Variants in SLC9D1 observed in about 807,000 individuals in gnomAD.
The protein encoded by SLC9D1 is putative LAG1-interacting protein.
At chr13:113,516,165 A>G in the SLC9D1 span, among the ~76,000 whole-genome samples, 1 of 152,234 alleles carries the variant, frequency 6.6e-6, no homozygotes, top group East Asian at 1.9e-4. Context: ...AGGTTAGTGT[A>G]TGAAACAAGG....
At chr13:113,548,358 T>G in the SLC9D1 span, 1 of 1,613,840 alleles carries the variant, frequency 6.2e-7, no homozygotes, top group African/African-American at 1.3e-5. Flanking sequence ...AGCCAGTACA[T>G]CAAGTGGATC....
chr13:113,518,819 G>A, the SLC9D1 span, among the ~76,000 whole-genome samples: 3 of 152,194 alleles, frequency 2.0e-5, no homozygotes, highest in African/African-American at 4.8e-5. Context: ...ACAGCTTAAC[G>A]TCATCGTCTG....
chr13:113,499,788 T>C, the SLC9D1 span, among the ~76,000 whole-genome samples: 1 of 152,224 alleles, frequency 6.6e-6, no homozygotes. Context: ...GTAGCAGAAA[T>C]CCTAAACCTA....
the SLC9D1 span, among the ~76,000 whole-genome samples, chr13:113,541,658 C>T: frequency 7.5e-6 from 1 of 133,528 alleles, no homozygotes; most frequent in Non-Finnish European, 1.6e-5. Context: ...TGCTTTATTA[C>T]CGCCGAGATG....
At chr13:113,500,857 T>A in the SLC9D1 span, among the ~76,000 whole-genome samples, 87 of 152,304 alleles carry the variant, frequency 5.7e-4, 1 homozygote, top group African/African-American at 2.0e-3. Flanking sequence ...AGAGATGTGG[T>A]CACGATGGAG....
chr13:113,518,444 G>A, the SLC9D1 span, among the ~76,000 whole-genome samples: 2 of 152,296 alleles, frequency 1.3e-5, no homozygotes, highest in East Asian at 3.9e-4. Flanking sequence ...CAAAGGAAGA[G>A]AACAAAATAT....
chr13:113,492,364 G>A, the SLC9D1 span, among the ~76,000 whole-genome samples: 1 of 152,190 alleles, frequency 6.6e-6, no homozygotes, highest in Non-Finnish European at 1.5e-5. Flanking sequence ...GTTGTAAGGA[G>A]TAATACAGAG....
At chr13:113,534,354 A>G in the SLC9D1 span, 1 of 853,216 alleles carries the variant, frequency 1.2e-6, no homozygotes, top group Admixed American at 2.7e-5. Flanking sequence ...TATTTGAAAC[A>G]TTTACTAGTA....
At chr13:113,495,904 AT>A in the SLC9D1 span, 1 of 1,614,152 alleles carries the variant, frequency 6.2e-7, no homozygotes, top group Non-Finnish European at 8.5e-7. Flanking sequence ...GAAAGTGAAA[AT>A]TCCGTTTTCC....
At chr13:113,539,247 C>A in the SLC9D1 span, 4 of 1,027,622 alleles carry the variant, frequency 3.9e-6, no homozygotes, top group Admixed American at 2.1e-5. This position sits in a 1 kb window ranked among gnomAD's most constrained non-coding sequence, Gnocchi z 4.8. Context: ...GTTTGTGCAG[C>A]TTCTGTGTTT....
the SLC9D1 span, among the ~76,000 whole-genome samples, chr13:113,533,272 T>C: frequency 5.1e-3 from 548 of 107,534 alleles, 5 homozygotes; most frequent in African/African-American, 0.022. Flanking sequence ...ATTCCATCCC[T>C]TCATTCCATC....
chr13:113,533,713 T>C, the SLC9D1 span, among the ~76,000 whole-genome samples: 4 of 152,208 alleles, frequency 2.6e-5, no homozygotes, highest in African/African-American at 9.7e-5. Context: ...TGGCGGAGAC[T>C]TTGATGTGCG....
chr13:113,530,012 T>G, the SLC9D1 span: 1 of 152,286 alleles, frequency 6.6e-6, no homozygotes, highest in Non-Finnish European at 1.5e-5. Context: ...CAAAACATAC[T>G]ATATTCAGCA....
At chr13:113,498,585 G>A in the SLC9D1 span, 4 of 1,291,628 alleles carry the variant, frequency 3.1e-6, no homozygotes, top group Non-Finnish European at 4.2e-6. Flanking sequence ...AAGACATGTT[G>A]TTGAAATTGT....
At chr13:113,549,775 G>A in the SLC9D1 span, 26 of 692,166 alleles carry the variant, frequency 3.8e-5, no homozygotes, top group Middle Eastern at 2.5e-4. Flanking sequence ...GGGACACTGC[G>A]TTTTACCGAT....
At chr13:113,547,234 T>G in the SLC9D1 span, 223 of 1,198,672 alleles carry the variant, frequency 1.9e-4, no homozygotes, top group Non-Finnish European at 2.5e-4. Context: ...ACTGAAGTTG[T>G]GAGAAATAGT....
At chr13:113,505,697 A>G in the SLC9D1 span, 1 of 152,214 alleles carries the variant, frequency 6.6e-6, no homozygotes, top group African/African-American at 2.4e-5. Context: ...ATTTTCTATA[A>G]TAAGCAGTCA....
At chr13:113,495,835 C>A in the SLC9D1 span, 2 of 1,614,086 alleles carry the variant, frequency 1.2e-6, no homozygotes, top group Non-Finnish European at 1.7e-6. Context: ...GTGGGCCTGT[C>A]GGATGAAGAG....
chr13:113,534,425 C>T, the SLC9D1 span: 2 of 609,208 alleles, frequency 3.3e-6, no homozygotes, highest in Non-Finnish European at 5.7e-6. Context: ...GGGAGCTAAA[C>T]CCGTTTAACT....
Sources: allele counts gnomAD v4.1 joint callset (sites outside exome capture counted in the v4.1 genomes callset), GRCh38; gene constraint gnomAD v4.1.1; non-coding constraint Gnocchi (gnomAD v3.1); transcripts MANE v1.5; gene names NCBI Gene and HGNC (gene_info 2026-07-23, HGNC 2026-07-21).